CNOT6L: variants seen among roughly 807,000 people sequenced by gnomAD.
The protein encoded by CNOT6L is CCR4-NOT transcription complex subunit 6-like.
Under a neutral mutation model 64.0 loss-of-function variants are expected in CNOT6L, and 7 were observed. The ratio of observed to expected loss-of-function variants is 0.11; its 90% confidence interval spans 0.06 to 0.21. CNOT6L has a LOEUF of 0.21. CNOT6L is among the 10% of genes least tolerant of loss of function. The pLI is 1.00. For missense variants in CNOT6L, 245 were observed against 669.0 expected (o/e 0.37, Z 6.99); for synonymous variants, 193 against 243.4 (o/e 0.79, Z 1.93).
At chr4:77,789,561 T>C (rs1174590782) in intron 1 of CNOT6L, among the ~76,000 whole-genome samples, 1 of 150,418 alleles carries the variant, frequency 6.6e-6, no homozygotes, top group African/African-American at 2.5e-5. Flanking sequence ...TAGTCCCGGC[T>C]ACTCAGGAAG....
chr4:77,798,232 T>C (rs1224364778), intron 1 of CNOT6L, among the ~76,000 whole-genome samples: 2 of 152,184 alleles, frequency 1.3e-5, no homozygotes, highest in African/African-American at 4.8e-5. Context: ...GGAGGACTGC[T>C]TGAGCCCAGA....
intron 4 of CNOT6L, among the ~76,000 whole-genome samples, chr4:77,763,962 T>C (rs904039059): frequency 5.9e-5 from 9 of 152,226 alleles, no homozygotes; most frequent in Non-Finnish European, 7.3e-5. Flanking sequence ...CAAAATAGTG[T>C]ATGCAACAAA....
chr4:77,779,291 C>T (rs1160919747), intron 1 of CNOT6L, among the ~76,000 whole-genome samples: 1 of 151,956 alleles, frequency 6.6e-6, no homozygotes, highest in East Asian at 1.9e-4. Flanking sequence ...TGCCACCTTC[C>T]TCCCTTCCTA....
At chr4:77,775,203 AC>A (rs529486307) in intron 2 of CNOT6L, among the ~76,000 whole-genome samples, 51 of 152,298 alleles carry the variant, frequency 3.3e-4, no homozygotes, top group African/African-American at 1.2e-3. Context: ...CCCTAGATTA[AC>A]TTAGTAAGAT....
intron 1 of CNOT6L, among the ~76,000 whole-genome samples, chr4:77,808,571 T>A (rs1486076462): frequency 1.3e-5 from 2 of 152,080 alleles, no homozygotes; most frequent in African/African-American, 4.8e-5. Flanking sequence ...TAAAGGACTG[T>A]AAGCAGAGAA....
At chr4:77,753,893 A>C (rs888930898) in intron 5 of CNOT6L, among the ~76,000 whole-genome samples, 2 of 99,532 alleles carry the variant, frequency 2.0e-5, no homozygotes, top group Non-Finnish European at 2.2e-5. Context: ...TTCAAAATCT[A>C]CTCATGTTAA....
At chr4:77,789,027 G>C in intron 1 of CNOT6L, among the ~76,000 whole-genome samples, 1 of 152,016 alleles carries the variant, frequency 6.6e-6, no homozygotes, top group Non-Finnish European at 1.5e-5. Context: ...CACATCACTA[G>C]TATTTCACTA....
chr4:77,748,167 T>G (rs535861023), intron 6 of CNOT6L, 149 bp downstream of exon 6: 2 of 659,382 alleles, frequency 3.0e-6, no homozygotes, highest in East Asian at 5.4e-5. Flanking sequence ...TATCTTAATG[T>G]GGACTTTTTA....
At chr4:77,736,760 T>A (rs1019848052) in intron 8 of CNOT6L, among the ~76,000 whole-genome samples, 7 of 152,168 alleles carry the variant, frequency 4.6e-5, no homozygotes, top group Non-Finnish European at 1.0e-4. Context: ...ATACAGATGC[T>A]AAAAGCATTA....
chr4:77,736,901 C>T (rs903870361), intron 8 of CNOT6L, among the ~76,000 whole-genome samples: 1 of 152,018 alleles, frequency 6.6e-6, no homozygotes, highest in Non-Finnish European at 1.5e-5. Flanking sequence ...AAAAAATCCC[C>T]TTATATGATT....
intron 4 of CNOT6L, among the ~76,000 whole-genome samples, chr4:77,768,474 AAT>A (rs1193284066): frequency 0.036 from 468 of 12,958 alleles, 1 homozygote; most frequent in South Asian, 0.07. Flanking sequence ...AAAATAAATA[AAT>A]ATATATATAT....
chr4:77,746,945 G>T (rs1724258875), intron 6 of CNOT6L, among the ~76,000 whole-genome samples: 1 of 151,290 alleles, frequency 6.6e-6, no homozygotes, highest in Non-Finnish European at 1.5e-5. Context: ...ACCTCTGAAA[G>T]ACACAAAAAT....
At chr4:77,785,659 CAA>C (rs1729350263) in intron 1 of CNOT6L, among the ~76,000 whole-genome samples, 2 of 152,006 alleles carry the variant, frequency 1.3e-5, no homozygotes, top group African/African-American at 4.8e-5. Context: ...AAAAGATGCA[CAA>C]CATTAGGCAT....
rs1720585934 is a variant in CNOT6L, at chr4:77,714,935, T to A, written c.*5496A>T. On this transcript the variant is annotated 3_prime_UTR_variant, in exon 12 of 12. Transcript: ENST00000504123. ...AAGCAAAGCCATTGTTTGACATCAA[T>A]GCTGAACCAATTTTGTGACTTCAGA... 1 of 152,566 alleles carries A rather than the reference T, an allele frequency of 6.6e-6. No individual in the cohort carries two copies. 9.5% of individuals were successfully genotyped at this position (152,566 alleles called of 1,614,324 possible). A position where few individuals can be genotyped will look rare whatever the true frequency, so the allele number is the denominator to read the frequency against.
intron 1 of CNOT6L, among the ~76,000 whole-genome samples, chr4:77,801,363 C>G (rs184426629): frequency 2.6e-5 from 4 of 152,286 alleles, no homozygotes; most frequent in African/African-American, 7.2e-5. Context: ...GCACTCACAA[C>G]GCCAGCTTCA....
chr4:77,740,735 T>C (rs753662606), intron 8 of CNOT6L, among the ~76,000 whole-genome samples: 2 of 152,224 alleles, frequency 1.3e-5, no homozygotes, highest in Non-Finnish European at 2.9e-5. Context: ...AGGGACTACA[T>C]GCCGATGGTA....
intron 1 of CNOT6L, among the ~76,000 whole-genome samples, chr4:77,811,478 C>T (rs979446836): frequency 1.3e-5 from 2 of 151,914 alleles, no homozygotes; most frequent in Non-Finnish European, 2.9e-5. Flanking sequence ...ACCTGGGAGG[C>T]GGAGGTTGCA....
At chr4:77,804,540 T>C (rs187727697) in intron 1 of CNOT6L, among the ~76,000 whole-genome samples, 1 of 152,050 alleles carries the variant, frequency 6.6e-6, no homozygotes, top group African/African-American at 2.4e-5. Context: ...ATTCTACTTA[T>C]ATTAAATGAC....
rs1358618123 is a variant in CNOT6L at position 77,717,445 on chromosome 4, C to T, written c.*2986G>A. 6.6e-6 allele frequency: 1 copy of T among 152,370 alleles called. No individual in the cohort carries two copies. The highest frequency in any genetic ancestry group is 1.9e-4 in the East Asian group (1 of 5,190). 9.4% of individuals were successfully genotyped at this position (152,370 alleles called of 1,614,324 possible). A position where few individuals can be genotyped will look rare whatever the true frequency, so the allele number is the denominator to read the frequency against. On this transcript the variant is annotated 3_prime_UTR_variant, in exon 12 of 12. Transcript: ENST00000504123. Reference sequence around the variant, plus strand: ...AGACAAATATCGAAATAATATTTAACAGTTTTAAAAAAACATGTATCACAT... The same window carrying T: ...AGACAAATATCGAAATAATATTTAATAGTTTTAAAAAAACATGTATCACAT...
Sources: allele counts gnomAD v4.1 joint callset (sites outside exome capture counted in the v4.1 genomes callset), GRCh38; gene constraint gnomAD v4.1.1; transcripts MANE v1.5; gene names NCBI Gene and HGNC (gene_info 2026-07-23, HGNC 2026-07-21).